The following CTRC variants were observed in gnomAD, a reference collection of about 807,000 sequenced individuals.
The protein encoded by CTRC is chymotrypsin C, also known as chymotrypsin-C.
CTRC carries 32 observed loss-of-function variants against 35.7 expected under a neutral mutation model. That is an observed-to-expected ratio of 0.90 (90% CI 0.68 to 1.20). The LOEUF (loss-of-function observed/expected upper bound fraction) is 1.20. CTRC is among the 50% of genes most tolerant of loss of function. The pLI is 0.00. For synonymous variants in CTRC, 119 were observed against 149.5 expected (o/e 0.80, Z 1.49); for missense variants, 324 against 361.5 (o/e 0.90, Z 0.84).
chr1:15,446,494 C>T, intron 7 of CTRC, 81 bp from the exon 8 acceptor site: 1 of 1,464,834 alleles, frequency 6.8e-7, no homozygotes. Flanking sequence ...CCCCCATGGA[C>T]CCACCCTCCG....
rs1320108618 is a variant in CTRC, at chr1:15,447,033, GGAAGACA to G, written c.*446_*452del. ...TCCTCACAGCCCCCCAGCAGCAGGTGGAAGACAGGGTCTCCCCAAAAGCAGCGTCCCC... is the reference window on the plus strand; with the variant it reads ...TCCTCACAGCCCCCCAGCAGCAGGTGGGGTCTCCCCAAAAGCAGCGTCCCC... On this transcript the variant is annotated 3_prime_UTR_variant, in exon 8 of 8. Transcript: ENST00000375949. 4 of 319,604 alleles carry G rather than the reference GGAAGACA, an allele frequency of 1.3e-5. No homozygotes were observed. The highest frequency in any genetic ancestry group is 2.4e-5 in the Non-Finnish European group (4 of 163,484). The allele number at this position is 319,604 out of a possible 1,614,324, so 19.8% of individuals were successfully genotyped here.
At chr1:15,442,118 A>G (rs1038050963) in intron 3 of CTRC, among the ~76,000 whole-genome samples, 1 of 152,164 alleles carries the variant, frequency 6.6e-6, no homozygotes, top group Non-Finnish European at 1.5e-5. Context: ...AGATAGTTAG[A>G]TGGATGCCGC....
chr1:15,440,672 C>A, intron 3 of CTRC, 82 bp downstream of exon 3: 1 of 1,251,848 alleles, frequency 8.0e-7, no homozygotes, highest in Non-Finnish European at 1.1e-6. Context: ...GCAGCTTCTC[C>A]GCACTCCAGG....
At chr1:15,440,897 T>C (rs1188265065) in intron 3 of CTRC, among the ~76,000 whole-genome samples, 3 of 152,168 alleles carry the variant, frequency 2.0e-5, no homozygotes, top group African/African-American at 4.8e-5. Context: ...AATAAGGTAT[T>C]GGCCAGGAGC....
Position 15,444,669 on chromosome 1 carries a change from G to C in CTRC, c.557G>C (p.Cys186Ser), listed in dbSNP as rs760247210. 1 of 1,614,106 alleles carries C rather than the reference G, an allele frequency of 6.2e-7. No individual in the cohort carries two copies. Among genetic ancestry groups the C allele is most frequent in the African/African-American group, 1.3e-5 (1 of 74,936 alleles). Reference sequence around the variant, plus strand: ...CAGCCCGTGGTGGATCACGCCACGTGCTCCAGGATTGACTGGTGGGGCTTC... The same window carrying C: ...CAGCCCGTGGTGGATCACGCCACGTCCTCCAGGATTGACTGGTGGGGCTTC... The part of the protein sequence containing the change: ...GLQPVVDHAT[C>S]SRIDWWGFRV... The change falls in exon 6 of 8, where the codon TGC becomes TCC. Residue 186 changes from cysteine to serine, a missense_variant. Cys to Ser is a moderately radical substitution (Grantham distance 112). Coordinates refer to ENST00000375949, the MANE Select transcript of CTRC (RefSeq NM_007272.3).
intron 1 of CTRC, 68 bp from the exon 2 acceptor site, chr1:15,440,232 C>CCCCCCCCCCCCTTCCCCCCTGGGT: frequency 1.8e-6 from 1 of 571,086 alleles, no homozygotes; most frequent in Non-Finnish European, 3.4e-6. Context: ...ACCTGCCCAC[C>CCCCCCCCCCCCTTCCCCCCTGGGT]CTCCCACCCC....
rs775404479 is a variant in CTRC at position 15,443,547 on chromosome 1, G to T, written c.485G>T (p.Arg162Leu). The change falls in exon 5 of 8, where the codon CGC (arginine) becomes CTC (leucine). Residue 162 changes from arginine (R) to leucine (L), a missense_variant. By Grantham distance (102) the Arg-to-Leu change is moderately radical. Transcript: ENST00000375949. ...DYPCYVTGWG[R>L]LWTNGPIADK... is the part of the protein sequence containing the mutation. ...CCCTGCTATGTCACCGGCTGGGGCC[G>T]CCTCTGGAGTGAGTATCGTCCCTGG... is the stretch of plus-strand genomic sequence containing the variant. The T allele has an allele frequency of 6.2e-7, 1 of 1,614,106 alleles. No homozygotes were observed. Among genetic ancestry groups the T allele is most frequent in the Non-Finnish European group, 8.5e-7 (1 of 1,180,058 alleles).
Position 15,445,676 on chromosome 1 carries a change from G to GGCGGGGCT in CTRC, c.722_729dup (p.Asn244GlyfsTer10). The GGCGGGGCT allele has an allele frequency of 6.2e-7, 1 of 1,614,136 alleles. No individual in the cohort carries two copies. The highest frequency in any genetic ancestry group is 8.5e-7 in the Non-Finnish European group (1 of 1,180,034). Reference sequence around the variant, plus strand: ...TTTGGCATCGTCAGCTTTGGCTCCCGGCGGGGCTGCAACACCCGCAAGAAG... The same window carrying GGCGGGGCT: ...TTTGGCATCGTCAGCTTTGGCTCCCGGCGGGGCTGCGGGGCTGCAACACCCGCAAGAAG... On this transcript the variant is annotated frameshift_variant, in exon 7 of 8. Coordinates refer to ENST00000375949, the MANE Select transcript of CTRC (RefSeq NM_007272.3). LOFTEE classifies it high-confidence loss of function.
intron 4 of CTRC, 56 bp downstream of exon 4, chr1:15,442,628 C>A: frequency 1.2e-6 from 2 of 1,610,480 alleles, no homozygotes; most frequent in South Asian, 1.1e-5. Flanking sequence ...AAGGAGGGGT[C>A]CCCAAGACGG....
Position 15,446,662 on chromosome 1 carries a change from C to G in CTRC, c.*73C>G, listed in dbSNP as rs781767195. ...TTCCTTCTCCTCGGGCCACCTGGAT[C>G]CTTGATTTGTGCAGCTTCTGTTGCT... On this transcript the variant is annotated 3_prime_UTR_variant, in exon 8 of 8. Coordinates refer to ENST00000375949, the MANE Select transcript of CTRC (RefSeq NM_007272.3). The G allele has an allele frequency of 8.4e-6, 13 of 1,551,672 alleles. No homozygotes were observed. The highest frequency in any genetic ancestry group is 1.2e-5 in the Non-Finnish European group (13 of 1,123,076).
intron 1 of CTRC, 74 bp from the exon 2 acceptor site, chr1:15,440,226 G>GGGGGGGGCC: frequency 1.9e-6 from 1 of 523,580 alleles, no homozygotes. Flanking sequence ...TCTTCCACCT[G>GGGGGGGGCC]CCCACCCTCC....
intron 5 of CTRC, 61 bp from the exon 6 acceptor site, chr1:15,444,545 G>C: frequency 6.2e-7 from 1 of 1,608,380 alleles, no homozygotes; most frequent in Non-Finnish European, 8.5e-7. Context: ...CTGAAGGCCT[G>C]GGGAGGGGCT....
rs201856611 is a variant in CTRC, at chr1:15,446,533, G to A, written c.793-42G>A. 1,234 of 1,612,566 alleles carry A rather than the reference G, an allele frequency of 7.7e-4. 7 individuals carry two copies. In the African/African-American group the frequency reaches 8.5e-3, roughly 11 times the overall value. On this transcript the variant is annotated intron_variant, in intron 7 of 7. Coordinates refer to ENST00000375949, the MANE Select transcript of CTRC (RefSeq NM_007272.3). ...AGAGCCCTGTGCCACCCTAGAAGGT[G>A]GCACAGCCCTGAGTCTCTCACACTG...
In CTRC at chr1:15,442,378, C is replaced by T. The variant is rs929667434; in HGVS notation, c.231-69C>T. ...AAATGAGTCCCACTAAAGCCCCGAG[C>T]TCCCTCTCTATCCCACTGGCTGGCA... On this transcript the variant is annotated intron_variant, in intron 3 of 7. Coordinates refer to ENST00000375949, the MANE Select transcript of CTRC (RefSeq NM_007272.3). 25 of 1,553,478 alleles carry T rather than the reference C, an allele frequency of 1.6e-5. No homozygotes were observed. In the African/African-American group the frequency reaches 2.5e-4, roughly 15 times the overall value.
intron 7 of CTRC, 78 bp downstream of exon 7, chr1:15,445,827 C>T: frequency 6.6e-7 from 1 of 1,519,422 alleles, no homozygotes; most frequent in Non-Finnish European, 9.1e-7. Flanking sequence ...CTCATTCACT[C>T]ATTCATGCGT....
chr1:15,445,735 G>A lies in CTRC; in HGVS notation c.778G>A (p.Asp260Asn), dbSNP rs540753875. The A allele has an allele frequency of 2.8e-5, 45 of 1,614,110 alleles. No homozygotes were observed. The South Asian group carries it at 4.1e-4, about 15-fold the overall frequency. Residue 260 changes from aspartate (D) to asparagine (N), a missense_variant, in exon 7 of 8, where the codon GAC becomes AAC. Physicochemically the swap from Asp to Asn is conservative, Grantham distance 23. Transcript: ENST00000375949. ...VVYTRVSAYI[D>N]WINEKMQL is the part of the protein sequence containing the mutation. ...CTACACCCGGGTGTCCGCCTACATCGACTGGATCAACGAGGTGGGTGCTGC... is the reference window on the plus strand; with the variant it reads ...CTACACCCGGGTGTCCGCCTACATCAACTGGATCAACGAGGTGGGTGCTGC...
chr1:15,446,504 GGGCAGAGCCCTGTGCCACCCTAGAAGGT>G, intron 7 of CTRC, 43 bp from the exon 8 acceptor site: 2 of 1,537,916 alleles, frequency 1.3e-6, no homozygotes, highest in South Asian at 2.2e-5. Context: ...CCCACCCTCC[GGGCAGAGCCCTGTGCCACCCTAGAAGGT>G]GGCACAGCCC....
Position 15,444,695 on chromosome 1 carries a change from A to G in CTRC, c.583A>G (p.Arg195Gly), listed in dbSNP as rs1708189840. The G allele has an allele frequency of 2.5e-6, 4 of 1,614,198 alleles. No individual in the cohort carries two copies. Among genetic ancestry groups the G allele is most frequent in the Non-Finnish European group, 3.4e-6 (4 of 1,180,020 alleles). ...CTCCAGGATTGACTGGTGGGGCTTC[A>G]GGGTGAAGAAAACCATGGTGTGCGC... ...TCSRIDWWGF[R>G]VKKTMVCAGG... Residue 195 changes from arginine to glycine, a missense_variant, in exon 6 of 8, where the codon AGG becomes GGG. By Grantham distance (125) the Arg-to-Gly change is moderately radical. Transcript: ENST00000375949.
chr1:15,438,566 G>A, intron 1 of CTRC, 62 bp downstream of exon 1: 1 of 1,590,792 alleles, frequency 6.3e-7, no homozygotes, highest in South Asian at 1.1e-5. Context: ...TCCAGGGCAA[G>A]GACGGGATGG....
Sources: allele counts gnomAD v4.1 joint callset (sites outside exome capture counted in the v4.1 genomes callset), GRCh38; gene constraint gnomAD v4.1.1; transcripts MANE v1.5; gene names NCBI Gene and HGNC (gene_info 2026-07-23, HGNC 2026-07-21).